ERAP1: variants seen among roughly 807,000 people sequenced by gnomAD.
ERAP1 encodes endoplasmic reticulum aminopeptidase 1.
ERAP1 carries 86 observed loss-of-function variants against 103.7 expected under a neutral mutation model. The ratio of observed to expected loss-of-function variants is 0.83; its 90% CI spans 0.70 to 0.99. The LOEUF is 0.99. ERAP1 is among the 50% of genes least tolerant of loss of function. The probability of loss-of-function intolerance (pLI) is 0.00; values close to 1 mark genes in which losing one functional copy is unlikely to be tolerated. For synonymous variants in ERAP1, 398 were observed against 402.4 expected (o/e 0.99, Z 0.13); for missense variants, 1,009 against 1,128.4 (o/e 0.89, Z 1.52).
At chr5:96,833,965 C>A in the ERAP1 span, among the ~76,000 whole-genome samples, 4 of 152,096 alleles carry the variant, frequency 2.6e-5, no homozygotes, top group Admixed American at 1.3e-4. Context: ...TAGTAATGAT[C>A]CATTGCTGAT....
At chr5:96,770,629 A>T (rs375008323), downstream of ERAP1, 40 of 1,470,760 alleles carry the variant, frequency 2.7e-5, no homozygotes, top group African/African-American at 5.4e-4. Flanking sequence ...ATATACTACA[A>T]ATTAGTTTAG....
chr5:96,785,689 CT>C, intron 13 of ERAP1, 98 bp downstream of exon 13: 1 of 1,344,106 alleles, frequency 7.4e-7, no homozygotes, highest in Non-Finnish European at 1.0e-6. Context: ...CTTTCAACTT[CT>C]TGTTATCAAT....
At chr5:96,795,365 A>G (rs1777235476) in intron 4 of ERAP1, among the ~76,000 whole-genome samples, 1 of 152,246 alleles carries the variant, frequency 6.6e-6, no homozygotes, top group African/African-American at 2.4e-5. Flanking sequence ...AATGCTGGAT[A>G]ACATGTATAA....
chr5:96,867,836 G>A, the ERAP1 span, among the ~76,000 whole-genome samples: 1 of 152,290 alleles, frequency 6.6e-6, no homozygotes, highest in East Asian at 1.9e-4. Flanking sequence ...CACTTTGGGA[G>A]GCTGAGGCAG....
chr5:96,841,021 T>C, the ERAP1 span, among the ~76,000 whole-genome samples: 1 of 152,068 alleles, frequency 6.6e-6, no homozygotes, highest in Non-Finnish European at 1.5e-5. Flanking sequence ...GGTCTATTTT[T>C]AAATGTCCCA....
intron 10 of ERAP1, among the ~76,000 whole-genome samples, chr5:96,789,034 C>G (rs1162573534): frequency 6.6e-6 from 1 of 152,126 alleles, no homozygotes; most frequent in Non-Finnish European, 1.5e-5. Flanking sequence ...CAATACCTAC[C>G]TAACTATGCT....
upstream of ERAP1, among the ~76,000 whole-genome samples, chr5:96,812,123 C>T (rs941399448): frequency 3.3e-5 from 5 of 152,162 alleles, no homozygotes; most frequent in Non-Finnish European, 5.9e-5. Context: ...TGTGTTTTCT[C>T]TTTTGAGAAT....
rs954783899 is a variant in ERAP1, at chr5:96,775,017, T to TAGAGTC, written c.*1373_*1378dup. The TAGAGTC allele has an allele frequency of 1.0e-6, 1 of 985,332 alleles. No individual in the cohort carries two copies. The highest frequency in any genetic ancestry group is 1.7e-5 in the African/African-American group (1 of 57,234). 61.0% of individuals were successfully genotyped at this position (985,332 alleles called of 1,614,324 possible). ...GCCAGGTGTGAGGATTTCCGCACCT[T>TAGAGTC]AGAGTCAGCGCAAAACACGCTGCAA... is the stretch of plus-strand genomic sequence containing the variant. On this transcript the variant is annotated 3_prime_UTR_variant, in exon 19 of 19. Coordinates refer to ENST00000443439, the MANE Select transcript of ERAP1 (RefSeq NM_001040458.3).
chr5:96,795,190 C>T, intron 4 of ERAP1, 28 bp from the exon 5 acceptor site: 1 of 1,611,504 alleles, frequency 6.2e-7, no homozygotes, highest in East Asian at 2.2e-5. Context: ...GAAAGGAATT[C>T]AAATATCTTA....
intron 18 of ERAP1, among the ~76,000 whole-genome samples, chr5:96,778,575 A>G (rs1774692887): frequency 6.6e-6 from 1 of 152,234 alleles, no homozygotes; most frequent in Admixed American, 6.5e-5. Context: ...AGAGGTCCTC[A>G]GAAGCCAGGT....
chr5:96,899,877 CTT>C, the ERAP1 span, among the ~76,000 whole-genome samples: 1 of 152,158 alleles, frequency 6.6e-6, no homozygotes, highest in Non-Finnish European at 1.5e-5. Context: ...CGGTTAATGA[CTT>C]TATTGAACTT....
the ERAP1 span, among the ~76,000 whole-genome samples, chr5:96,815,444 TC>T: frequency 6.8e-6 from 1 of 146,158 alleles, no homozygotes; most frequent in Non-Finnish European, 1.5e-5. Flanking sequence ...GGGATTTTGC[TC>T]TTGTTGCCCG....
chr5:96,915,668 G>C, the ERAP1 span: 9 of 1,461,332 alleles, frequency 6.2e-6, no homozygotes, highest in Non-Finnish European at 7.4e-6. Flanking sequence ...ACTTTCTATG[G>C]TGTTTCTTTT....
At chr5:96,813,712 G>A in the ERAP1 span, among the ~76,000 whole-genome samples, 27 of 138,020 alleles carry the variant, frequency 2.0e-4, no homozygotes, top group African/African-American at 6.5e-4. Flanking sequence ...CTTCATACAC[G>A]AGGAAGATAA....
chr5:96,809,520 A>G (rs1467495321), upstream of ERAP1, among the ~76,000 whole-genome samples: 1 of 151,878 alleles, frequency 6.6e-6, no homozygotes, highest in African/African-American at 2.4e-5. Flanking sequence ...TTTCAATATT[A>G]TGTTTCCTTT....
At chr5:96,920,257 A>T in the ERAP1 span, among the ~76,000 whole-genome samples, 2 of 151,702 alleles carry the variant, frequency 1.3e-5, no homozygotes, top group Non-Finnish European at 2.9e-5. Flanking sequence ...GTGAGCCAAG[A>T]TCATGCCACT....
At chr5:96,906,448 G>A in the ERAP1 span, among the ~76,000 whole-genome samples, 9 of 152,030 alleles carry the variant, frequency 5.9e-5, no homozygotes. Flanking sequence ...TAAATTTTTT[G>A]GCAGAGATGG....
the ERAP1 span, chr5:96,902,270 A>T: frequency 6.3e-7 from 1 of 1,587,910 alleles, no homozygotes; most frequent in Non-Finnish European, 8.6e-7. Context: ...ACTCTCTGTC[A>T]TAGGTACCTG....
chr5:96,875,595 G>A, the ERAP1 span, among the ~76,000 whole-genome samples: 3 of 151,896 alleles, frequency 2.0e-5, no homozygotes, highest in African/African-American at 7.3e-5. Flanking sequence ...AAATTGGAGA[G>A]GGACAGAATC....
Sources: allele counts gnomAD v4.1 joint callset (sites outside exome capture counted in the v4.1 genomes callset), GRCh38; gene constraint gnomAD v4.1.1; transcripts MANE v1.5; gene names NCBI Gene and HGNC (gene_info 2026-07-23, HGNC 2026-07-21).